TVP23A: variants seen among roughly 807,000 people sequenced by gnomAD.
TVP23A encodes trans-golgi network vesicle protein 23 homolog A.
Under a neutral mutation model 31.7 loss-of-function variants are expected in TVP23A, and 21 were observed. The ratio of observed to expected loss-of-function variants is 0.66; its 90% CI spans 0.47 to 0.95. TVP23A has a LOEUF of 0.95. TVP23A is among the 40% of genes least tolerant of loss of function. TVP23A has a pLI of 0.00. For synonymous variants in TVP23A, 104 were observed against 96.0 expected, an observed-to-expected ratio of 1.08 and a Z score of -0.49; for missense variants, 279 against 255.6, an observed-to-expected ratio of 1.09 and a Z score of -0.62.
chr16:10,771,896 G>C, intron 5 of TVP23A, 98 bp from the exon 6 acceptor site: 2 of 1,452,704 alleles, frequency 1.4e-6, no homozygotes, highest in South Asian at 1.3e-5. Context: ...TCAGCTCACT[G>C]CAAGTTCCGC....
chr16:10,788,282 T>TTC (rs201364070), intron 2 of TVP23A, among the ~76,000 whole-genome samples: 3 of 146,436 alleles, frequency 2.0e-5, no homozygotes, highest in South Asian at 2.1e-4. Flanking sequence ...GTTTTTTTTT[T>TTC]GTTTTTTTTT....
At chr16:10,790,321 G>A (rs905479237) in intron 2 of TVP23A, among the ~76,000 whole-genome samples, 1 of 123,958 alleles carries the variant, frequency 8.1e-6, no homozygotes. Flanking sequence ...GTCTCGCACT[G>A]TCGCCCAGGC....
chr16:10,760,446 C>T (rs780072732), downstream of TVP23A, among the ~76,000 whole-genome samples: 97 of 152,196 alleles, frequency 6.4e-4, 3 homozygotes, highest in Non-Finnish European at 3.7e-4. Context: ...CATGTAGATG[C>T]GTTAAAAGGT....
chr16:10,795,452 T>C (rs146511901), intron 2 of TVP23A, among the ~76,000 whole-genome samples: 5,085 of 152,078 alleles, frequency 0.033, 274 homozygotes, highest in African/African-American at 0.12. Flanking sequence ...GGTTTCACCA[T>C]GTTGGCCAGG....
intron 2 of TVP23A, among the ~76,000 whole-genome samples, chr16:10,813,294 G>T (rs996777777): frequency 5.3e-5 from 8 of 152,218 alleles, no homozygotes; most frequent in African/African-American, 1.9e-4. Context: ...GCCAGAAAGT[G>T]ATAAAGGAAG....
chr16:10,757,965 T>C, downstream of TVP23A: 1 of 1,613,966 alleles, frequency 6.2e-7, no homozygotes, highest in Non-Finnish European at 8.5e-7. This position sits in a 1 kb window ranked among gnomAD's most constrained non-coding sequence, Gnocchi z 4.1. Flanking sequence ...TGAACACCTC[T>C]CGGTCGTCCG....
At chr16:10,762,520 C>T (rs1354760853), downstream of TVP23A, among the ~76,000 whole-genome samples, 2 of 152,244 alleles carry the variant, frequency 1.3e-5, no homozygotes, top group Non-Finnish European at 2.9e-5. Context: ...AAGCTGCTCC[C>T]CCAGGAGGCT....
At position 10,794,064 on chromosome 16, in the gene TVP23A, C is replaced by G. The variant is rs2033256044; in HGVS notation, c.90-18968G>C. ...CTGCACCCCCAGGAGGGGAGGAACA[C>G]TGTCTTCACATGTCAGAAGGGCAGA... On this transcript the variant is annotated intron_variant, in intron 2 of 7. Transcript: ENST00000299866. Among the ~76,000 whole-genome samples the G allele has an allele frequency of 2.0e-5, 3 of 152,118 alleles. No individual in the cohort carries two copies. In the South Asian group the frequency reaches 6.2e-4, roughly 32 times the overall value.
At chr16:10,790,376 C>T (rs1327861796) in intron 2 of TVP23A, among the ~76,000 whole-genome samples, 1 of 145,760 alleles carries the variant, frequency 6.9e-6, no homozygotes, top group Admixed American at 7.3e-5. Context: ...CCTCCGCCTT[C>T]CAGGTTGATG....
At chr16:10,809,080 C>T (rs1409093685) in intron 2 of TVP23A, among the ~76,000 whole-genome samples, 4 of 152,202 alleles carry the variant, frequency 2.6e-5, no homozygotes, top group Non-Finnish European at 5.9e-5. Context: ...AAGTCACACT[C>T]GTGATCAGAA....
intron 6 of TVP23A, among the ~76,000 whole-genome samples, chr16:10,771,387 A>C (rs1220555907): frequency 6.6e-6 from 1 of 151,676 alleles, no homozygotes; most frequent in Non-Finnish European, 1.5e-5. Flanking sequence ...CAAAAAAAAA[A>C]GGCCAGGCAT....
At position 10,773,346 on chromosome 16, in the gene TVP23A, A is replaced by G. The variant is rs1340344264; in HGVS notation, c.420T>C (p.Phe140=). Residue 140 remains phenylalanine (F), a synonymous_variant, in exon 5 of 8, where the codon TTT becomes TTC. Transcript: ENST00000299866. ...TTAGCTTCAAGGAAAATAAGGTGCT[A>G]AAAAAAAACACAATCCATATCATGG... ...ICPMIWIVFF[F]STLFSLKLKW... 6.3e-7 allele frequency: 1 copy of G among 1,591,938 alleles called. No homozygotes were observed. The highest frequency in any genetic ancestry group is 8.6e-7 in the Non-Finnish European group (1 of 1,169,560).
chr16:10,774,930 A>ACATCACACGAAAGGGCCT, intron 3 of TVP23A, 22 bp downstream of exon 3: 1 of 1,605,176 alleles, frequency 6.2e-7, no homozygotes, highest in Non-Finnish European at 8.5e-7. Flanking sequence ...GGAAGTGATG[A>ACATCACACGAAAGGGCCT]CATCACACGA....
At chr16:10,776,562 A>T (rs919718932) in intron 2 of TVP23A, among the ~76,000 whole-genome samples, 1 of 152,142 alleles carries the variant, frequency 6.6e-6, no homozygotes, top group African/African-American at 2.4e-5. Flanking sequence ...TCAGGAAATC[A>T]ATGGCACGAG....
chr16:10,781,883 A>G, intron 2 of TVP23A, among the ~76,000 whole-genome samples: 2 of 101,066 alleles, frequency 2.0e-5, no homozygotes, highest in Admixed American at 1.4e-4. Context: ...TTTTTTTGAG[A>G]CAGAGTCTCA....
rs187052945 is a variant in TVP23A, at chr16:10,796,727, C to T, written c.89+21376G>A. Among the ~76,000 whole-genome samples the T allele has an allele frequency of 4.1e-4, 62 of 152,230 alleles. No homozygotes were observed. The East Asian group carries it at 4.8e-3, about 12-fold the overall frequency. On this transcript the variant is annotated intron_variant, in intron 2 of 7. Coordinates refer to ENST00000299866, the MANE Select transcript of TVP23A (RefSeq NM_001079512.4). ...TGCTGGGATTACAGGCGTGAGCCAC[C>T]GCGCCCGGCCCATAAAAGGGATTTT...
chr16:10,757,964 C>T (rs142124667), downstream of TVP23A: 1 of 1,614,146 alleles, frequency 6.2e-7, no homozygotes, highest in East Asian at 2.2e-5. The surrounding 1 kb of genome is among the most constrained non-coding windows in gnomAD (Gnocchi z 4.1). Context: ...ATGAACACCT[C>T]TCGGTCGTCC....
intron 2 of TVP23A, among the ~76,000 whole-genome samples, chr16:10,784,097 G>T (rs756546623): frequency 6.6e-6 from 1 of 152,080 alleles, no homozygotes; most frequent in Admixed American, 6.6e-5. Context: ...CACTTTGGGA[G>T]GCCTAGGGGG....
intron 2 of TVP23A, among the ~76,000 whole-genome samples, chr16:10,813,554 GACAAC>G (rs2034294933): frequency 1.3e-5 from 2 of 152,084 alleles, no homozygotes; most frequent in Non-Finnish European, 2.9e-5. Context: ...GATCAGCATG[GACAAC>G]ATAGCAAGAC....
Sources: allele counts gnomAD v4.1 joint callset (sites outside exome capture counted in the v4.1 genomes callset), GRCh38; gene constraint gnomAD v4.1.1; non-coding constraint Gnocchi (gnomAD v3.1); transcripts MANE v1.5; gene names NCBI Gene and HGNC (gene_info 2026-07-23, HGNC 2026-07-21).